The following AGAP3 variants were observed in gnomAD, a reference collection of about 807,000 sequenced individuals.
AGAP3 encodes ArfGAP with GTPase domain, ankyrin repeat and PH domain 3.
A neutral mutation model predicts 96.9 loss-of-function variants in AGAP3; 24 were observed. The observed-to-expected ratio is 0.25, with a 90% CI of 0.18 to 0.35. The LOEUF (loss-of-function observed/expected upper bound fraction) is 0.35. Ranked by LOEUF, AGAP3 falls within the 10% of genes least tolerant of loss-of-function variation. The pLI is 1.00. For synonymous variants in AGAP3, 563 were observed against 536.1 expected (o/e 1.05, Z -0.69); for missense variants, 876 against 1,254.2 (o/e 0.70, Z 4.55).
rs747887268 is a variant in AGAP3, at chr7:151,118,304, C to T, written c.801C>T (p.Cys267=). 2.7e-5 allele frequency: 44 copies of T among 1,613,338 alleles called. No homozygotes were observed. The highest frequency in any genetic ancestry group is 3.5e-5 in the Non-Finnish European group (41 of 1,179,298). ...DLKRCTYYET[C]ATYGLNVERV... is the part of the protein sequence containing the mutation. The stretch of plus-strand genomic sequence containing the variant: ...AGCGGTGCACCTACTATGAGACGTG[C>T]GCGACCTACGGGCTCAATGTGGAGC... Residue 267 remains cysteine, a synonymous_variant, in exon 6 of 18, where the codon TGC becomes TGT. Transcript: ENST00000397238. The surrounding 1 kb of genome is among the most constrained non-coding windows in gnomAD (Gnocchi z 6.1).
intron 8 of AGAP3, among the ~76,000 whole-genome samples, chr7:151,121,765 C>T (rs1799905877): frequency 6.6e-6 from 1 of 152,198 alleles, no homozygotes. Context: ...CTGTGGTGAC[C>T]TCACTTGCAC....
chr7:151,114,903 G>A lies in AGAP3; in HGVS notation c.332-1890G>A, dbSNP rs1367465191. 3 of 995,116 alleles carry A rather than the reference G, an allele frequency of 3.0e-6. No individual in the cohort carries two copies. The highest frequency in any genetic ancestry group is 2.2e-4 in the East Asian group (2 of 9,264). The allele number at this position is 995,116 out of a possible 1,614,324, so 61.6% of individuals were successfully genotyped here. A position where few individuals can be genotyped will look rare whatever the true frequency, so the allele number is the denominator to read the frequency against. On this transcript the variant is annotated intron_variant, in intron 1 of 17. Transcript: ENST00000397238. This position sits in a 1 kb window ranked among gnomAD's most constrained non-coding sequence, Gnocchi z 4.4. ...CGGCCGCGCTGCCGCCGCCCTGCAG[G>A]CCGCCCTCTGCGCCGCCAGTGAGCA... is the stretch of plus-strand genomic sequence containing the variant.
chr7:151,139,912 G>C lies in AGAP3; in HGVS notation c.1667-67G>C, dbSNP rs970191945. The C allele has an allele frequency of 1.4e-6, 2 of 1,390,092 alleles. No individual in the cohort carries two copies. The highest frequency in any genetic ancestry group is 1.9e-6 in the Non-Finnish European group (2 of 1,060,180). 86.1% of individuals were successfully genotyped at this position (1,390,092 alleles called of 1,614,324 possible). ...CAGGACTGGTCCTCTCCTCCTCCCA[G>C]TGCCCTGCGCCCCTCCCCTCCTCTG... On this transcript the variant is annotated intron_variant, in intron 12 of 17. Coordinates refer to ENST00000397238, the MANE Select transcript of AGAP3 (RefSeq NM_031946.7). This position sits in a 1 kb window ranked among gnomAD's most constrained non-coding sequence, Gnocchi z 4.9.
In AGAP3 at chr7:151,143,518, T is replaced by TGGGGAC. The variant is rs1192816887; in HGVS notation, c.2461_2466dup (p.Asp821_Gly822dup). On this transcript the variant is annotated inframe_insertion, in exon 17 of 18. Coordinates refer to ENST00000397238, the MANE Select transcript of AGAP3 (RefSeq NM_031946.7). This position sits in a 1 kb window ranked among gnomAD's most constrained non-coding sequence, Gnocchi z 5.9. ...CCAAAGAGGAGGTGAATGAGACCTA[T>TGGGGAC]GGGGACGGGGACGGGCGGACGGCTC... The TGGGGAC allele has an allele frequency of 1.2e-6, 2 of 1,614,064 alleles. No individual in the cohort carries two copies. Among genetic ancestry groups the TGGGGAC allele is most frequent in the African/African-American group, 1.3e-5 (1 of 74,936 alleles).
At chr7:151,113,120 G>A (rs770425508) in intron 1 of AGAP3, among the ~76,000 whole-genome samples, 7 of 152,206 alleles carry the variant, frequency 4.6e-5, no homozygotes, top group African/African-American at 1.2e-4. Flanking sequence ...CCTGTTGTGC[G>A]TGAGAGAGAG....
intron 1 of AGAP3, among the ~76,000 whole-genome samples, chr7:151,100,208 C>G (rs1798783075): frequency 1.3e-5 from 2 of 152,202 alleles, no homozygotes; most frequent in Non-Finnish European, 2.9e-5. Flanking sequence ...TCGTGCTCCC[C>G]CAGCTGCGGT....
At chr7:151,117,350 T>C in intron 3 of AGAP3, 21 bp from the exon 4 acceptor site, 1 of 1,614,000 alleles carries the variant, frequency 6.2e-7, no homozygotes, top group Non-Finnish European at 8.5e-7. Flanking sequence ...ACTTTGGACC[T>C]GACTGCGCGC....
intron 11 of AGAP3, 93 bp downstream of exon 11, chr7:151,134,661 C>A: frequency 7.6e-7 from 1 of 1,308,930 alleles, no homozygotes; most frequent in South Asian, 1.3e-5. Context: ...TCAGCCTGGG[C>A]ACAGGGTGCT....
intron 1 of AGAP3, among the ~76,000 whole-genome samples, chr7:151,089,010 C>T (rs575177665): frequency 5.8e-4 from 89 of 152,228 alleles, no homozygotes; most frequent in Admixed American, 1.0e-3. Context: ...CTCACACATC[C>T]GTTCTCAGCC....
Position 151,087,053 on chromosome 7 carries a change from G to A in AGAP3, c.312G>A (p.Glu104=). 1.2e-6 allele frequency: 2 copies of A among 1,608,090 alleles called. No homozygotes were observed. Among genetic ancestry groups the A allele is most frequent in the Middle Eastern group, 3.3e-4 (2 of 6,050 alleles). Residue 104 remains glutamate (E), a synonymous_variant, in exon 1 of 18, where the codon GAG becomes GAA. Transcript: ENST00000397238. ...TGGCGCTGCAGAACCAGATCCGGGA[G>A]CACGTCATCTCCATCGAGGGTGAGC... ...EDLALQNQIR[E]HVISIEDSFV...
intron 11 of AGAP3, chr7:151,137,687 T>C (rs1800655586): frequency 6.2e-6 from 1 of 160,492 alleles, no homozygotes; most frequent in Non-Finnish European, 1.4e-5. Context: ...CTAATACTAA[T>C]TAGACATAAT....
At chr7:151,103,974 C>T (rs984682769) in intron 1 of AGAP3, among the ~76,000 whole-genome samples, 1 of 152,176 alleles carries the variant, frequency 6.6e-6, no homozygotes. Flanking sequence ...ACACCCGGTT[C>T]CTCCACGGGA....
intron 2 of AGAP3, 85 bp from the exon 3 acceptor site, chr7:151,117,010 T>A (rs934434245): frequency 1.3e-6 from 2 of 1,501,522 alleles, no homozygotes; most frequent in Non-Finnish European, 1.8e-6. Context: ...CCTTTCTCCC[T>A]CCTGCTGCTT....
intron 8 of AGAP3, chr7:151,122,702 C>A: frequency 4.3e-6 from 7 of 1,613,572 alleles, no homozygotes; most frequent in Non-Finnish European, 5.9e-6. Flanking sequence ...TTGCCAAAAT[C>A]TTTATTCTTT....
chr7:151,092,250 A>G (rs2150406225), intron 1 of AGAP3, among the ~76,000 whole-genome samples: 1 of 152,244 alleles, frequency 6.6e-6, no homozygotes, highest in Non-Finnish European at 1.5e-5. Flanking sequence ...GGAGGGAACG[A>G]GGTACGCTTC....
In AGAP3 at chr7:151,096,566, A is replaced by G. The variant is rs1304941919; in HGVS notation, c.331+9494A>G. 7.5e-5 allele frequency among the ~76,000 whole-genome samples: 11 copies of G among 147,080 alleles called. No homozygotes were observed. Among genetic ancestry groups the G allele is most frequent in the Non-Finnish European group, 1.2e-4 (8 of 66,768 alleles). ...CGGCTCACTGCAACCTCTGCCTCCC[A>G]GGTTCACGCCATTCTCCTGCCACAG... On this transcript the variant is annotated intron_variant, in intron 1 of 17. Coordinates refer to ENST00000397238, the MANE Select transcript of AGAP3 (RefSeq NM_031946.7). This position sits in a 1 kb window ranked among gnomAD's most constrained non-coding sequence, Gnocchi z 4.4.
intron 9 of AGAP3, among the ~76,000 whole-genome samples, chr7:151,128,141 A>C (rs1800254427): frequency 6.6e-6 from 1 of 151,824 alleles, no homozygotes; most frequent in Non-Finnish European, 1.5e-5. Flanking sequence ...ACTTAGCAAA[A>C]TCTCTGCTGT....
chr7:151,128,600 C>A lies in AGAP3; in HGVS notation c.1242C>A (p.Ser414Arg), dbSNP rs201990368. ...CTCAGGGGATCCTGCTAAAGCGGAGCGGCAAGTCCCTGAACAAGGAGTGGA... is the reference window on the plus strand; with the variant it reads ...CTCAGGGGATCCTGCTAAAGCGGAGAGGCAAGTCCCTGAACAAGGAGTGGA... Reference protein sequence around the residue: ...PIKQGILLKRSGKSLNKEWKK... With the variant: ...PIKQGILLKRRGKSLNKEWKK... The change falls in exon 10 of 18, where the codon AGC becomes AGA. Residue 414 changes from serine to arginine, a missense_variant. This residue lies in a region of AGAP3 where 63 missense variants were observed against 114.5 expected (regional missense o/e 0.55). Transcript: ENST00000397238. The A allele has an allele frequency of 6.2e-7, 1 of 1,613,578 alleles. No individual in the cohort carries two copies. The highest frequency in any genetic ancestry group is 1.3e-5 in the African/African-American group (1 of 74,872).
rs71819427 is a variant in AGAP3 at position 151,112,396 on chromosome 7, CGTGTGTGT to C, written c.332-4364_332-4357del. 3.4e-3 allele frequency among the ~76,000 whole-genome samples: 475 copies of C among 139,952 alleles called. 3 individuals carry two copies. Among genetic ancestry groups the C allele is most frequent in the East Asian group, 0.012 (55 of 4,684 alleles). 91.8% of individuals were successfully genotyped at this position (139,952 alleles called of 152,430 possible). ...GGATTGCTGCCTGCCTTCCCCGAGA[CGTGTGTGT>C]GTGTGTGTGTGTGTGTGTGTGTGTG... is the stretch of plus-strand genomic sequence containing the variant. On this transcript the variant is annotated intron_variant, in intron 1 of 17. Coordinates refer to ENST00000397238, the MANE Select transcript of AGAP3 (RefSeq NM_031946.7).
Sources: allele counts gnomAD v4.1 joint callset (sites outside exome capture counted in the v4.1 genomes callset), GRCh38; gene constraint gnomAD v4.1.1; regional missense constraint gnomAD v4.1.1; non-coding constraint Gnocchi (gnomAD v3.1); transcripts MANE v1.5; gene names NCBI Gene and HGNC (gene_info 2026-07-23, HGNC 2026-07-21).